Variants in GALNT7 observed in about 807,000 individuals in gnomAD.
GALNT7 encodes N-acetylgalactosaminyltransferase 7.
A neutral mutation model predicts 82.1 loss-of-function variants in GALNT7; 60 were observed. The ratio of observed to expected loss-of-function variants is 0.73; its 90% CI spans 0.59 to 0.91. GALNT7 has a LOEUF of 0.91. GALNT7 is among the 40% of genes least tolerant of loss of function. The pLI is 0.00. For synonymous variants in GALNT7, 243 were observed against 275.1 expected (o/e 0.88, Z 1.15); for missense variants, 660 against 804.2 (o/e 0.82, Z 2.17).
At chr4:173,264,460 A>T (rs1735404431) in intron 2 of GALNT7, among the ~76,000 whole-genome samples, 1 of 152,174 alleles carries the variant, frequency 6.6e-6, no homozygotes, top group African/African-American at 2.4e-5. Flanking sequence ...AGCACACAGT[A>T]GGGTTAGATG....
At chr4:173,288,282 C>CAAAAAAAAAAAAAAAAAAAA (rs70944442) in intron 2 of GALNT7, among the ~76,000 whole-genome samples, 12 of 62,972 alleles carry the variant, frequency 1.9e-4, no homozygotes, top group African/African-American at 9.6e-4. Flanking sequence ...GACTCCATCT[C>CAAAAAAAAAAAAAAAAAAAA]AAAAAAAAAA....
chr4:173,228,635 G>A (rs1182646988), intron 1 of GALNT7, among the ~76,000 whole-genome samples: 1 of 152,022 alleles, frequency 6.6e-6, no homozygotes, highest in Non-Finnish European at 1.5e-5. Context: ...GCAGTCAGGA[G>A]GAATGAATGC....
intron 1 of GALNT7, among the ~76,000 whole-genome samples, chr4:173,178,050 TGTGCGCGCAC>T (rs1172587483): frequency 8.5e-6 from 1 of 117,624 alleles, no homozygotes; most frequent in African/African-American, 3.4e-5. Context: ...TGTGTGTGTG[TGTGCGCGCAC>T]GCGCGTGCGC....
At chr4:173,237,668 T>A (rs1734279719) in intron 1 of GALNT7, among the ~76,000 whole-genome samples, 1 of 152,144 alleles carries the variant, frequency 6.6e-6, no homozygotes, top group Non-Finnish European at 1.5e-5. Context: ...ATTAAACTGT[T>A]TGCTTGGCTT....
At chr4:173,306,184 C>A (rs1426936237) in intron 8 of GALNT7, among the ~76,000 whole-genome samples, 1 of 152,056 alleles carries the variant, frequency 6.6e-6, no homozygotes, top group Non-Finnish European at 1.5e-5. Flanking sequence ...TACAGATAGA[C>A]CACCGTTAGC....
chr4:173,170,364 A>G (rs1731820356), intron 1 of GALNT7, among the ~76,000 whole-genome samples: 1 of 152,346 alleles, frequency 6.6e-6, no homozygotes, highest in East Asian at 1.9e-4. Flanking sequence ...GTTAGCATCA[A>G]GAAGTTGGGC....
intron 9 of GALNT7, chr4:173,316,941 C>G (rs556929205): frequency 6.6e-6 from 1 of 152,344 alleles, no homozygotes; most frequent in East Asian, 1.9e-4. Flanking sequence ...TGACTTGCAC[C>G]TCTTCATATC....
intron 2 of GALNT7, among the ~76,000 whole-genome samples, chr4:173,274,318 C>T (rs1735826199): frequency 6.6e-6 from 1 of 152,186 alleles, no homozygotes; most frequent in African/African-American, 2.4e-5. Context: ...TTAGTATCCT[C>T]AACCTTTAAA....
At chr4:173,196,633 A>G (rs892622487) in intron 1 of GALNT7, among the ~76,000 whole-genome samples, 2 of 152,130 alleles carry the variant, frequency 1.3e-5, no homozygotes, top group Non-Finnish European at 2.9e-5. Context: ...TTTGCTGCAC[A>G]TATCAACCCA....
intron 1 of GALNT7, among the ~76,000 whole-genome samples, chr4:173,188,021 C>T (rs962920282): frequency 6.6e-6 from 1 of 152,136 alleles, no homozygotes; most frequent in Non-Finnish European, 1.5e-5. Context: ...TAAATACATA[C>T]AGACATTATG....
At chr4:173,218,298 T>G (rs1296945840) in intron 1 of GALNT7, among the ~76,000 whole-genome samples, 1 of 152,236 alleles carries the variant, frequency 6.6e-6, no homozygotes, top group Non-Finnish European at 1.5e-5. Context: ...AAAAGATTGC[T>G]GGAATTTAGG....
At chr4:173,183,148 T>G (rs1483839645) in intron 1 of GALNT7, among the ~76,000 whole-genome samples, 1 of 152,030 alleles carries the variant, frequency 6.6e-6, no homozygotes, top group African/African-American at 2.4e-5. Context: ...TAACCGAACC[T>G]TTAACTCTTG....
At chr4:173,230,846 T>A (rs1379474510) in intron 1 of GALNT7, among the ~76,000 whole-genome samples, 1 of 152,180 alleles carries the variant, frequency 6.6e-6, no homozygotes, top group African/African-American at 2.4e-5. Flanking sequence ...AATTATTCTG[T>A]GATAGTGTAA....
chr4:173,210,635 G>A (rs1390181358), intron 1 of GALNT7, among the ~76,000 whole-genome samples: 4 of 151,622 alleles, frequency 2.6e-5, no homozygotes, highest in Admixed American at 2.6e-4. Flanking sequence ...GTTTCACCAC[G>A]TTGCCCAAGC....
intron 1 of GALNT7, among the ~76,000 whole-genome samples, chr4:173,215,847 C>T (rs1346853024): frequency 6.6e-6 from 1 of 152,188 alleles, no homozygotes; most frequent in African/African-American, 2.4e-5. Context: ...CAGTGGTTCA[C>T]GCCCGTAATC....
chr4:173,305,872 A>T lies in GALNT7; in HGVS notation c.1389+1754A>T, dbSNP rs183562100. On this transcript the variant is annotated intron_variant, in intron 8 of 11. Transcript: ENST00000265000. ...CTTTTTGCTCAAGATTGCTTTAGCT[A>T]TTCAGGGTTTTTTGTGGATCCATAT... Among the ~76,000 whole-genome samples, 11 of 152,248 alleles carry T rather than the reference A, an allele frequency of 7.2e-5. No homozygotes were observed. In the East Asian group the frequency reaches 1.9e-3, roughly 27 times the overall value.
intron 1 of GALNT7, among the ~76,000 whole-genome samples, chr4:173,205,115 G>A (rs1317887139): frequency 6.6e-6 from 1 of 152,092 alleles, no homozygotes. Flanking sequence ...CTGTCGGGTT[G>A]GACCTGGAGC....
At chr4:173,206,296 A>G (rs544234189) in intron 1 of GALNT7, among the ~76,000 whole-genome samples, 1 of 152,278 alleles carries the variant, frequency 6.6e-6, no homozygotes, top group Admixed American at 6.5e-5. Context: ...GTGATGTCAA[A>G]CTGTCCTTCC....
intron 1 of GALNT7, among the ~76,000 whole-genome samples, chr4:173,227,199 T>A (rs1345622522): frequency 6.6e-6 from 1 of 152,212 alleles, no homozygotes; most frequent in Non-Finnish European, 1.5e-5. Flanking sequence ...TAATTTAATT[T>A]AAAAATTTTA....
Sources: gnomAD v4.1 joint callset for allele counts (sites outside exome capture counted in the v4.1 genomes callset) on GRCh38, gnomAD v4.1.1 for gene constraint, MANE v1.5 for transcripts, NCBI Gene and HGNC (gene_info 2026-07-23, HGNC 2026-07-21) for gene names.